RANBP17: variants seen among roughly 807,000 people sequenced by gnomAD.
RANBP17 encodes the protein ran-binding protein 17.
In RANBP17, 158 loss-of-function variants were observed where a neutral mutation model predicts 141.2. That is an observed-to-expected ratio of 1.12 (90% CI 0.98 to 1.28). The LOEUF (loss-of-function observed/expected upper bound fraction) is 1.28, where lower values mean the gene tolerates loss of function less well. Among genes scored for constraint, RANBP17 ranks in the 50% most tolerant of loss-of-function variants. RANBP17 has a pLI of 0.00. For missense variants in RANBP17, 1,438 were observed against 1,290.7 expected, an observed-to-expected ratio of 1.11 and a Z score of -1.75; for synonymous variants, 430 against 450.0, an observed-to-expected ratio of 0.96 and a Z score of 0.56.
chr5:170,876,008 G>T (rs933504571), intron 1 of RANBP17, among the ~76,000 whole-genome samples: 1 of 152,276 alleles, frequency 6.6e-6, no homozygotes, highest in Non-Finnish European at 1.5e-5. Flanking sequence ...TCTTCTGTGG[G>T]GCTGCTGTGG....
At chr5:171,086,179 G>A (rs1421323236) in intron 14 of RANBP17, among the ~76,000 whole-genome samples, 5 of 138,898 alleles carry the variant, frequency 3.6e-5, no homozygotes, top group African/African-American at 1.1e-4. Flanking sequence ...ATGAAGGGTT[G>A]TTGAATTTTG....
chr5:170,954,366 T>C (rs2127497909), intron 13 of RANBP17, among the ~76,000 whole-genome samples: 1 of 152,300 alleles, frequency 6.6e-6, no homozygotes, highest in East Asian at 1.9e-4. Flanking sequence ...GTATGTTTAC[T>C]GCATGTGTGT....
Position 171,246,985 on chromosome 5 carries a change from C to A in RANBP17, c.2776+4165C>A, listed in dbSNP as rs148647863. ...AAGGGCAGAAACAGTGTCTTACTCA[C>A]TATTTCCAGCTCCTAGCATTATAGT... On this transcript the variant is annotated intron_variant, in intron 24 of 27. Transcript: ENST00000523189. Among the ~76,000 whole-genome samples, 267 of 152,290 alleles carry A rather than the reference C, an allele frequency of 1.8e-3. 1 individual carries two copies. The highest frequency in any genetic ancestry group is 5.7e-3 in the African/African-American group (235 of 41,544).
At chr5:171,201,162 A>G (rs1427953622) in intron 19 of RANBP17, among the ~76,000 whole-genome samples, 1 of 152,184 alleles carries the variant, frequency 6.6e-6, no homozygotes, top group African/African-American at 2.4e-5. Flanking sequence ...CCATCTTCCT[A>G]GAGTCATTTT....
intron 12 of RANBP17, among the ~76,000 whole-genome samples, chr5:170,926,337 C>G (rs2127449124): frequency 6.6e-6 from 1 of 152,200 alleles, no homozygotes; most frequent in East Asian, 1.9e-4. Context: ...ATTATACCTG[C>G]ATTTTTGATG....
intron 22 of RANBP17, among the ~76,000 whole-genome samples, chr5:171,236,435 A>G (rs115446945): frequency 0.011 from 1,673 of 152,284 alleles, 29 homozygotes; most frequent in African/African-American, 0.037. Flanking sequence ...ATGGGAAGCA[A>G]ATAGCAAAAC....
At chr5:171,196,749 A>T (rs761005746) in intron 18 of RANBP17, among the ~76,000 whole-genome samples, 2 of 152,232 alleles carry the variant, frequency 1.3e-5, no homozygotes, top group Non-Finnish European at 2.9e-5. Context: ...TAAGGCTTTG[A>T]TGACTAAAGT....
At chr5:170,904,667 C>A (rs993070765) in intron 5 of RANBP17, among the ~76,000 whole-genome samples, 1 of 152,086 alleles carries the variant, frequency 6.6e-6, no homozygotes, top group Admixed American at 6.5e-5. Flanking sequence ...GAACTTCAGA[C>A]ATTTGTCTTC....
At chr5:171,212,065 C>T (rs1267860834) in intron 20 of RANBP17, among the ~76,000 whole-genome samples, 1 of 152,060 alleles carries the variant, frequency 6.6e-6, no homozygotes, top group Non-Finnish European at 1.5e-5. Context: ...GTGCTAGCAC[C>T]GGGTTCCACC....
At position 171,242,799 on chromosome 5, in the gene RANBP17, T is replaced by G; in HGVS notation, c.2755T>G (p.Ser919Ala). 1 of 1,613,800 alleles carries G rather than the reference T, an allele frequency of 6.2e-7. No individual in the cohort carries two copies. The highest frequency in any genetic ancestry group is 8.5e-7 in the Non-Finnish European group (1 of 1,179,756). Reference sequence around the variant, plus strand: ...ACTCATGTATGTTCTCACATCTATCTCAGAGGGACTCACTACTCTTGGTAA... The same window carrying G: ...ACTCATGTATGTTCTCACATCTATCGCAGAGGGACTCACTACTCTTGGTAA... Reference protein sequence around the residue: ...PVLMYVLTSISEGLTTLDTVV... With the variant: ...PVLMYVLTSIAEGLTTLDTVV... Residue 919 changes from serine to alanine, a missense_variant, in exon 24 of 28, where the codon TCA becomes GCA. Coordinates refer to ENST00000523189, the MANE Select transcript of RANBP17 (RefSeq NM_022897.5).
chr5:170,899,382 T>C (rs1034875559), intron 5 of RANBP17, among the ~76,000 whole-genome samples: 3 of 152,248 alleles, frequency 2.0e-5, no homozygotes, highest in African/African-American at 7.2e-5. Flanking sequence ...TCTGAGACTT[T>C]GCTGAAGTTG....
chr5:171,068,952 G>A (rs1001862298), intron 14 of RANBP17, among the ~76,000 whole-genome samples: 4 of 152,188 alleles, frequency 2.6e-5, no homozygotes, highest in Non-Finnish European at 4.4e-5. Context: ...CTATTTTTGC[G>A]AAAACTATCC....
chr5:171,231,172 C>A (rs1764187510), intron 22 of RANBP17, among the ~76,000 whole-genome samples: 1 of 142,906 alleles, frequency 7.0e-6, no homozygotes, highest in Non-Finnish European at 1.5e-5. Context: ...TTTCTCAAAA[C>A]TCCTTACCTC....
chr5:171,197,575 A>C (rs1762047180), intron 18 of RANBP17, among the ~76,000 whole-genome samples: 1 of 152,234 alleles, frequency 6.6e-6, no homozygotes, highest in Admixed American at 6.5e-5. Context: ...TATCAGCGTA[A>C]GCTAGTAGAG....
Position 171,062,518 on chromosome 5 carries a change from C to T in RANBP17, c.1710+94141C>T, listed in dbSNP as rs1783962514. Among the ~76,000 whole-genome samples, 7 of 152,306 alleles carry T rather than the reference C, an allele frequency of 4.6e-5. No individual in the cohort carries two copies. The South Asian group carries it at 1.5e-3, about 32-fold the overall frequency. ...TCTCTTCTGGCTTGTAGAGTTTCTG[C>T]CGAGAGATCCGCTGTTAGTCTGATG... is the stretch of plus-strand genomic sequence containing the variant. On this transcript the variant is annotated intron_variant, in intron 14 of 27. Transcript: ENST00000523189.
At chr5:171,024,099 A>G (rs1190049485) in intron 14 of RANBP17, among the ~76,000 whole-genome samples, 2 of 152,206 alleles carry the variant, frequency 1.3e-5, no homozygotes, top group Non-Finnish European at 1.5e-5. Flanking sequence ...CATTAACTGT[A>G]TAGGCTTGGT....
intron 14 of RANBP17, among the ~76,000 whole-genome samples, chr5:171,133,176 G>A (rs959772480): frequency 5.9e-5 from 9 of 152,054 alleles, no homozygotes; most frequent in African/African-American, 1.7e-4. Context: ...GAGCCACCGC[G>A]CCCGGCTGAA....
At chr5:171,094,950 AT>A (rs1036267418) in intron 14 of RANBP17, among the ~76,000 whole-genome samples, 19 of 152,068 alleles carry the variant, frequency 1.2e-4, no homozygotes, top group African/African-American at 4.3e-4. Context: ...ATAAGAGGTG[AT>A]TGGGTTGAAT....
intron 14 of RANBP17, among the ~76,000 whole-genome samples, chr5:171,049,051 G>A (rs1017201454): frequency 7.2e-5 from 11 of 152,086 alleles, no homozygotes; most frequent in Non-Finnish European, 1.5e-4. Context: ...TCGAGAAATC[G>A]CCACACTGCT....
Sources: allele counts gnomAD v4.1 joint callset (sites outside exome capture counted in the v4.1 genomes callset), GRCh38; gene constraint gnomAD v4.1.1; transcripts MANE v1.5; gene names NCBI Gene and HGNC (gene_info 2026-07-23, HGNC 2026-07-21).